The following NRXN3 variants were observed in gnomAD, a reference collection of about 807,000 sequenced individuals.
The protein encoded by NRXN3 is neurexin III.
In NRXN3, 32 loss-of-function variants were observed where a neutral mutation model predicts 137.6. That is an observed-to-expected ratio of 0.23 (90% CI 0.18 to 0.31). NRXN3 has a LOEUF of 0.31. Ranked by LOEUF, NRXN3 falls within the 10% of genes least tolerant of loss-of-function variation. The probability of loss-of-function intolerance (pLI) is 1.00; values close to 1 mark genes in which losing one functional copy is unlikely to be tolerated. For missense variants in NRXN3, 1,574 were observed against 2,062.5 expected, an observed-to-expected ratio of 0.76 and a Z score of 4.59; for synonymous variants, 798 against 784.5, an observed-to-expected ratio of 1.02 and a Z score of -0.29.
intron 10 of NRXN3, among the ~76,000 whole-genome samples, chr14:78,822,097 C>T (rs2098952415): frequency 1.3e-5 from 2 of 152,054 alleles, no homozygotes; most frequent in Non-Finnish European, 2.9e-5. Context: ...CATTCTTTCC[C>T]CTCTTCATAT....
chr14:79,270,451 G>A (rs955207462), intron 15 of NRXN3, among the ~76,000 whole-genome samples: 1 of 152,180 alleles, frequency 6.6e-6, no homozygotes, highest in Non-Finnish European at 1.5e-5. Context: ...CATTTTGCCT[G>A]TGAGAAAAAG....
rs115591348 is a variant in NRXN3, at chr14:79,656,987, T to C, written c.3445-6791T>C. On this transcript the variant is annotated intron_variant, in intron 16 of 20. Transcript: ENST00000335750. ...CAGTATCCTATAGGGAGTGTGCAAA[T>C]GCCTCTGACTCACCTGTCATCCATA... 7.7e-3 allele frequency among the ~76,000 whole-genome samples: 1,174 copies of C among 152,208 alleles called. 15 individuals are homozygous for C. The highest frequency in any genetic ancestry group is 0.025 in the African/African-American group (1,038 of 41,542).
chr14:79,830,005 G>T (rs1348368177), intron 20 of NRXN3, among the ~76,000 whole-genome samples: 1 of 152,212 alleles, frequency 6.6e-6, no homozygotes, highest in East Asian at 1.9e-4. Flanking sequence ...AAAGACTAGT[G>T]ATGAAATCCA....
chr14:79,502,822 CT>C (rs932323911), intron 16 of NRXN3, among the ~76,000 whole-genome samples: 1 of 150,746 alleles, frequency 6.6e-6, no homozygotes. Flanking sequence ...CTTTGCTTGG[CT>C]TTTTTTTTCA....
chr14:78,738,511 G>A (rs1595373721), intron 8 of NRXN3, among the ~76,000 whole-genome samples: 1 of 152,130 alleles, frequency 6.6e-6, no homozygotes, highest in Non-Finnish European at 1.5e-5. Flanking sequence ...CCATCTGTGT[G>A]TTGCTGCCCA....
At chr14:79,766,735 A>G (rs2099057256) in intron 19 of NRXN3, among the ~76,000 whole-genome samples, 1 of 152,170 alleles carries the variant, frequency 6.6e-6, no homozygotes, top group South Asian at 2.1e-4. Context: ...TTTCTTGAGT[A>G]TTTACCATGT....
At chr14:78,682,834 A>T (rs1399266352) in intron 6 of NRXN3, among the ~76,000 whole-genome samples, 1 of 152,218 alleles carries the variant, frequency 6.6e-6, no homozygotes, top group Admixed American at 6.5e-5. Context: ...ATGGGTTCCA[A>T]GCCCATGGTT....
At chr14:78,572,140 TA>T (rs1467560935) in intron 4 of NRXN3, among the ~76,000 whole-genome samples, 1 of 152,028 alleles carries the variant, frequency 6.6e-6, no homozygotes, top group South Asian at 2.1e-4. Context: ...AGAGTTGGGG[TA>T]AAAAAAGTAA....
rs556260379 is a variant in NRXN3 at position 79,346,070 on chromosome 14, T to A, written c.3263-121151T>A. Among the ~76,000 whole-genome samples, 34 of 152,296 alleles carry A rather than the reference T, an allele frequency of 2.2e-4. 1 individual carries two copies. The South Asian group carries it at 6.2e-3, about 28-fold the overall frequency. ...CCCTAAATGATCTTCTTGCTTCAGT[T>A]TTTTTCCTTGTACTGGTTTATCCTA... On this transcript the variant is annotated intron_variant, in intron 15 of 20. Coordinates refer to ENST00000335750, the MANE Select transcript of NRXN3 (RefSeq NM_001330195.2).
At chr14:78,313,513 C>T (rs1156788568) in intron 4 of NRXN3, among the ~76,000 whole-genome samples, 1 of 151,874 alleles carries the variant, frequency 6.6e-6, no homozygotes, top group Non-Finnish European at 1.5e-5. Context: ...TTTCTCGTAT[C>T]AGTTTAAATA....
At chr14:78,471,325 CA>C (rs1567684823) in intron 4 of NRXN3, among the ~76,000 whole-genome samples, 105 of 84,496 alleles carry the variant, frequency 1.2e-3, no homozygotes, top group Admixed American at 7.7e-3. Flanking sequence ...CACACACACA[CA>C]CACACACCCC....
intron 8 of NRXN3, among the ~76,000 whole-genome samples, chr14:78,742,721 T>A (rs879678250): frequency 6.6e-6 from 1 of 152,202 alleles, no homozygotes; most frequent in African/African-American, 2.4e-5. Flanking sequence ...ATTTTAACTA[T>A]GTAATACTAT....
At chr14:78,642,471 A>C (rs547207036) in intron 4 of NRXN3, among the ~76,000 whole-genome samples, 1 of 152,332 alleles carries the variant, frequency 6.6e-6, no homozygotes, top group East Asian at 1.9e-4. Flanking sequence ...CTGGATGATT[A>C]ATTTAAGCTT....
chr14:79,588,933 A>G (rs1483685620), intron 16 of NRXN3, among the ~76,000 whole-genome samples: 2 of 152,150 alleles, frequency 1.3e-5, no homozygotes, highest in South Asian at 2.1e-4. Flanking sequence ...CTAACAAACA[A>G]TCCAATTATA....
intron 15 of NRXN3, among the ~76,000 whole-genome samples, chr14:79,039,087 G>A (rs1029708718): frequency 7.2e-5 from 11 of 152,120 alleles, no homozygotes; most frequent in Admixed American, 3.9e-4. Flanking sequence ...AGAGAGGAAA[G>A]GTGTCTCCGA....
chr14:78,523,525 T>A (rs1243709719), intron 4 of NRXN3, among the ~76,000 whole-genome samples: 1 of 150,082 alleles, frequency 6.7e-6, no homozygotes, highest in African/African-American at 2.5e-5. Context: ...GTAGGCCGGG[T>A]GCGGTGGCTC....
intron 4 of NRXN3, among the ~76,000 whole-genome samples, chr14:78,413,392 T>C (rs530600420): frequency 6.6e-6 from 1 of 152,312 alleles, no homozygotes; most frequent in South Asian, 2.1e-4. Flanking sequence ...TTCAAGCGAT[T>C]CTCCTGCCTC....
chr14:79,201,719 A>T (rs2153217936), intron 15 of NRXN3: 1 of 152,376 alleles, frequency 6.6e-6, no homozygotes, highest in Middle Eastern at 3.4e-3. Flanking sequence ...TAAGCACAAA[A>T]ATCACAAACT....
intron 16 of NRXN3, among the ~76,000 whole-genome samples, chr14:79,583,773 A>C (rs2097740282): frequency 6.6e-6 from 1 of 152,170 alleles, no homozygotes; most frequent in African/African-American, 2.4e-5. Context: ...ACATCTTTGG[A>C]ATACTGAGAT....
Sources: allele counts gnomAD v4.1 joint callset (sites outside exome capture counted in the v4.1 genomes callset), GRCh38; gene constraint gnomAD v4.1.1; transcripts MANE v1.5; gene names NCBI Gene and HGNC (gene_info 2026-07-23, HGNC 2026-07-21).